CDH18: variants seen among roughly 807,000 people sequenced by gnomAD.
CDH18 encodes the protein cadherin-18.
Under a neutral mutation model 67.9 loss-of-function variants are expected in CDH18, and 31 were observed. That is an observed-to-expected ratio of 0.46 (90% CI 0.34 to 0.62). The LOEUF is 0.62. Among genes scored for constraint, CDH18 ranks in the 20% least tolerant of loss-of-function variants. The pLI is 0.01. For missense variants in CDH18, 890 were observed against 975.5 expected, an observed-to-expected ratio of 0.91 and a Z score of 1.17; for synonymous variants, 362 against 347.2, an observed-to-expected ratio of 1.04 and a Z score of -0.48.
At chr5:19,895,842 C>T (rs141460300) in intron 2 of CDH18, among the ~76,000 whole-genome samples, 2 of 151,926 alleles carry the variant, frequency 1.3e-5, no homozygotes, top group African/African-American at 4.8e-5. Flanking sequence ...AAGTAATTTC[C>T]AGGGGTGAGG....
At chr5:19,887,796 T>G (rs1320474796) in intron 2 of CDH18, among the ~76,000 whole-genome samples, 2 of 151,772 alleles carry the variant, frequency 1.3e-5, no homozygotes, top group Non-Finnish European at 2.9e-5. Context: ...AGTCTTGAAC[T>G]CCTGGACTCA....
At chr5:19,677,267 A>T (rs937022307) in intron 5 of CDH18, among the ~76,000 whole-genome samples, 1 of 152,114 alleles carries the variant, frequency 6.6e-6, no homozygotes, top group Non-Finnish European at 1.5e-5. Context: ...ATTCTTAAAG[A>T]AAAGAAATTC....
intron 11 of CDH18, among the ~76,000 whole-genome samples, chr5:19,497,899 CAGTT>C (rs1232006004): frequency 6.6e-6 from 1 of 152,140 alleles, no homozygotes; most frequent in Non-Finnish European, 1.5e-5. Flanking sequence ...ACATGCTAGT[CAGTT>C]AGCCTGACAC....
chr5:19,477,598 A>C (rs1470790197), intron 12 of CDH18, among the ~76,000 whole-genome samples: 1 of 152,264 alleles, frequency 6.6e-6, no homozygotes, highest in Admixed American at 6.5e-5. Flanking sequence ...TTCCAAAAAA[A>C]ATCCTAAGAC....
chr5:19,519,057 G>A (rs1467828230), intron 10 of CDH18, among the ~76,000 whole-genome samples: 3 of 152,120 alleles, frequency 2.0e-5, no homozygotes, highest in Admixed American at 1.3e-4. Context: ...TCTCTACTTG[G>A]CTTCTGTGTT....
At chr5:20,412,827 A>C (rs2150146100) in intron 1 of CDH18, among the ~76,000 whole-genome samples, 1 of 152,322 alleles carries the variant, frequency 6.6e-6, no homozygotes, top group African/African-American at 2.4e-5. Flanking sequence ...TTTTTTTAAA[A>C]TTATACTTTA....
chr5:19,873,689 C>T (rs1349974305), intron 2 of CDH18, among the ~76,000 whole-genome samples: 1 of 152,024 alleles, frequency 6.6e-6, no homozygotes, highest in Non-Finnish European at 1.5e-5. Flanking sequence ...GCTTTGTCGC[C>T]CAGGCTGGAG....
At chr5:19,840,288 G>A (rs10941513) in intron 2 of CDH18, among the ~76,000 whole-genome samples, 5,310 of 126,976 alleles carry the variant, frequency 0.042, 238 homozygotes, top group African/African-American at 0.1. Context: ...AAAAAAAAAA[G>A]AAAAAAAAAA....
intron 4 of CDH18, among the ~76,000 whole-genome samples, chr5:19,732,158 T>C (rs954895575): frequency 6.6e-6 from 1 of 151,544 alleles, no homozygotes; most frequent in African/African-American, 2.4e-5. Context: ...TCCCATAATT[T>C]AAAAAAATTA....
chr5:20,417,328 C>T (rs2150153036), intron 1 of CDH18, among the ~76,000 whole-genome samples: 1 of 152,066 alleles, frequency 6.6e-6, no homozygotes, highest in Non-Finnish European at 1.5e-5. Flanking sequence ...TATTTATTTC[C>T]CTGGAATTCT....
intron 2 of CDH18, among the ~76,000 whole-genome samples, chr5:20,168,208 C>A (rs77108225): frequency 0.034 from 5,236 of 152,052 alleles, 306 homozygotes; most frequent in African/African-American, 0.12. Flanking sequence ...AGATGCTGAC[C>A]AATACGCAAC....
At chr5:19,694,602 C>T (rs1013174404) in intron 5 of CDH18, among the ~76,000 whole-genome samples, 12 of 152,012 alleles carry the variant, frequency 7.9e-5, no homozygotes, top group African/African-American at 2.9e-4. Context: ...AATCTTATTA[C>T]TATATTGTCC....
At chr5:20,039,230 G>A (rs375566070) in intron 2 of CDH18, among the ~76,000 whole-genome samples, 7 of 152,104 alleles carry the variant, frequency 4.6e-5, no homozygotes, top group East Asian at 3.9e-4. Context: ...CCATGTTCAT[G>A]GATAGGAAGA....
At chr5:20,517,482 T>C (rs1755451695) in intron 1 of CDH18, among the ~76,000 whole-genome samples, 2 of 151,860 alleles carry the variant, frequency 1.3e-5, no homozygotes, top group Non-Finnish European at 1.5e-5. Flanking sequence ...TTACTTAATT[T>C]CCTTGACCAA....
chr5:20,383,718 G>A (rs1744094776), intron 1 of CDH18, among the ~76,000 whole-genome samples: 1 of 152,084 alleles, frequency 6.6e-6, no homozygotes, highest in Non-Finnish European at 1.5e-5. Context: ...CCAAAGAAAA[G>A]TGACAAGTTA....
intron 2 of CDH18, among the ~76,000 whole-genome samples, chr5:19,972,417 G>A (rs1352890447): frequency 1.3e-5 from 2 of 151,940 alleles, no homozygotes; most frequent in Non-Finnish European, 2.9e-5. Context: ...GCATCCAAAT[G>A]GTAAAAGTTG....
At chr5:19,753,212 G>A (rs1329374584) in intron 3 of CDH18, among the ~76,000 whole-genome samples, 1 of 152,082 alleles carries the variant, frequency 6.6e-6, no homozygotes, top group African/African-American at 2.4e-5. Flanking sequence ...AATTCAGGAG[G>A]TTAGTTATTA....
intron 2 of CDH18, among the ~76,000 whole-genome samples, chr5:20,190,821 A>G (rs1738478255): frequency 6.6e-6 from 1 of 152,130 alleles, no homozygotes; most frequent in South Asian, 2.1e-4. Context: ...TTCCTGCTCC[A>G]TGCTCTAATC....
At position 20,182,669 on chromosome 5, in the gene CDH18, C is replaced by T. The variant is rs1737785120; in HGVS notation, c.-518+72775G>A. On this transcript the variant is annotated intron_variant, in intron 2 of 14. Transcript: ENST00000507958. ...ATTAAGTTATGAGGGGGTCCAACCT[C>T]ATTAATCCATTCTTGTTTTATAAAA... Among the ~76,000 whole-genome samples, 8 of 149,428 alleles carry T rather than the reference C, an allele frequency of 5.4e-5. No individual in the cohort carries two copies. The South Asian group carries it at 1.7e-3, about 32-fold the overall frequency.
Sources: allele counts gnomAD v4.1 joint callset (sites outside exome capture counted in the v4.1 genomes callset), GRCh38; gene constraint gnomAD v4.1.1; transcripts MANE v1.5; gene names NCBI Gene and HGNC (gene_info 2026-07-23, HGNC 2026-07-21).